The following ZNF808 variants were observed in gnomAD, a reference collection of about 807,000 sequenced individuals.
ZNF808 encodes zinc finger protein 808.
In ZNF808, 5 loss-of-function variants were observed where a neutral mutation model predicts 8.7. The ratio of observed to expected loss-of-function variants is 0.58; its 90% CI spans 0.30 to 1.21. The LOEUF is 1.21. Ranked by LOEUF, ZNF808 falls within the 50% of genes most tolerant of loss-of-function variation. ZNF808 has a pLI of 0.07. For synonymous variants in ZNF808, 380 were observed against 366.0 expected, an observed-to-expected ratio of 1.04 and a Z score of -0.44; for missense variants, 1,103 against 1,098.4, an observed-to-expected ratio of 1.00 and a Z score of -0.06.
At chr19:52,528,782 A>G (rs1016776701) in intron 1 of ZNF808, among the ~76,000 whole-genome samples, 12 of 152,054 alleles carry the variant, frequency 7.9e-5, no homozygotes, top group Admixed American at 7.2e-4. Context: ...CAGGGAAGAG[A>G]GAATTTAACA....
At chr19:52,537,017 T>C (rs2059619060) in intron 2 of ZNF808, among the ~76,000 whole-genome samples, 1 of 151,576 alleles carries the variant, frequency 6.6e-6, no homozygotes, top group African/African-American at 2.4e-5. Context: ...AGAAACCCCA[T>C]CCCTGCTAAA....
chr19:52,528,403 G>A (rs901304386), intron 1 of ZNF808, among the ~76,000 whole-genome samples: 4 of 152,176 alleles, frequency 2.6e-5, no homozygotes, highest in Non-Finnish European at 5.9e-5. Flanking sequence ...GACAGCAGTA[G>A]AAAACCTGAG....
intron 2 of ZNF808, among the ~76,000 whole-genome samples, chr19:52,541,134 T>G (rs749028100): frequency 2.6e-5 from 4 of 151,952 alleles, no homozygotes; most frequent in Non-Finnish European, 4.4e-5. Flanking sequence ...GTATTTTTAG[T>G]AGAGACGGGA....
intron 3 of ZNF808, 57 bp downstream of exon 3, chr19:52,543,404 G>C: frequency 6.3e-7 from 1 of 1,587,302 alleles, no homozygotes; most frequent in Non-Finnish European, 8.5e-7. Flanking sequence ...AAATGTAGTA[G>C]TATTATATTG....
chr19:52,535,477 G>C (rs1430848552), intron 2 of ZNF808, among the ~76,000 whole-genome samples: 1 of 152,150 alleles, frequency 6.6e-6, no homozygotes, highest in Non-Finnish European at 1.5e-5. Flanking sequence ...GCTGCTTCCT[G>C]AGTAGCTGGG....
intron 4 of ZNF808, among the ~76,000 whole-genome samples, chr19:52,550,157 G>A (rs2059762345): frequency 6.6e-6 from 1 of 152,054 alleles, no homozygotes; most frequent in African/African-American, 2.4e-5. Context: ...GTGCAAACTG[G>A]GGTCATGTCC....
Position 52,555,206 on chromosome 19 carries a change from A to C in ZNF808, c.2290A>C (p.Lys764Gln). 5 of 1,614,044 alleles carry C rather than the reference A, an allele frequency of 3.1e-6. No individual in the cohort carries two copies. Among genetic ancestry groups the C allele is most frequent in the Non-Finnish European group, 4.2e-6 (5 of 1,179,996 alleles). The change falls in exon 5 of 5, where the codon AAG becomes CAG. Residue 764 changes from lysine to glutamine, a missense_variant. Coordinates refer to ENST00000359798, the MANE Select transcript of ZNF808 (RefSeq NM_001039886.4). ...ACTTCATAGTGGTGAGAAACCTTACAAGTGTAACGACTGTGGCAATACCTT... is the reference window on the plus strand; with the variant it reads ...ACTTCATAGTGGTGAGAAACCTTACCAGTGTAACGACTGTGGCAATACCTT... ...RRLHSGEKPY[K>Q]CNDCGNTFRH... is the part of the protein sequence containing the mutation.
chr19:52,541,325 A>T (rs375378139), intron 2 of ZNF808, among the ~76,000 whole-genome samples: 2 of 150,574 alleles, frequency 1.3e-5, no homozygotes, highest in South Asian at 4.2e-4. Flanking sequence ...ATTCTTTTCC[A>T]TGTAGATATC....
chr19:52,527,685 G>T lies in ZNF808; in HGVS notation c.-148G>T. 2 of 157,638 alleles carry T rather than the reference G, an allele frequency of 1.3e-5. No homozygotes were observed. The highest frequency in any genetic ancestry group is 3.1e-4 in the South Asian group (2 of 6,392). The allele number at this position is 157,638 out of a possible 1,614,324, so 9.8% of individuals were successfully genotyped here. ...ATTAACGCAAACCCGGAAGCGGATCGGGTGGAGTGAAGGTCACGTCGCCAT... is the reference window on the plus strand; with the variant it reads ...ATTAACGCAAACCCGGAAGCGGATCTGGTGGAGTGAAGGTCACGTCGCCAT... On this transcript the variant is annotated 5_prime_UTR_variant, in exon 1 of 5. Transcript: ENST00000359798.
At chr19:52,528,137 C>T (rs938719228) in intron 1 of ZNF808, among the ~76,000 whole-genome samples, 3 of 152,082 alleles carry the variant, frequency 2.0e-5, no homozygotes, top group Non-Finnish European at 4.4e-5. Flanking sequence ...TCTTGCAGAC[C>T]CCATCCTTCT....
At chr19:52,546,414 T>G (rs1383774092) in intron 3 of ZNF808, among the ~76,000 whole-genome samples, 1 of 152,078 alleles carries the variant, frequency 6.6e-6, no homozygotes, top group East Asian at 1.9e-4. Flanking sequence ...CTCAAACTCC[T>G]GACCTCATGA....
rs73578236 is a variant in ZNF808, at chr19:52,556,292, C to T, written c.*664C>T. The T allele has an allele frequency of 0.089, 14,560 of 163,922 alleles. 789 individuals carry two copies. The highest frequency in any genetic ancestry group is 0.16 in the Middle Eastern group (52 of 326). The allele number at this position is 163,922 out of a possible 1,614,324, so 10.2% of individuals were successfully genotyped here. A position where few individuals can be genotyped will look rare whatever the true frequency, so the allele number is the denominator to read the frequency against. ...ATGGCCAACAGATGTCGGCCACTTT[C>T]GCCATCCTGTTTTTTGTTTCTTATT... On this transcript the variant is annotated 3_prime_UTR_variant, in exon 5 of 5. Transcript: ENST00000359798.
chr19:52,546,974 G>GTGTC (rs1437345400), intron 3 of ZNF808, among the ~76,000 whole-genome samples: 2 of 136,426 alleles, frequency 1.5e-5, no homozygotes, highest in Non-Finnish European at 3.1e-5. Flanking sequence ...TTTAGATGGA[G>GTGTC]TGTCAGTCTG....
At chr19:52,551,356 CAA>C (rs58565837) in intron 4 of ZNF808, among the ~76,000 whole-genome samples, 77 of 125,038 alleles carry the variant, frequency 6.2e-4, no homozygotes, top group Admixed American at 9.1e-4. Flanking sequence ...CATTTGCCAC[CAA>C]AAAAAAAAAA....
At chr19:52,549,830 C>G (rs563953067) in intron 4 of ZNF808, among the ~76,000 whole-genome samples, 1 of 152,304 alleles carries the variant, frequency 6.6e-6, no homozygotes, top group Admixed American at 6.5e-5. Context: ...CCCTCCAACA[C>G]CACTCTCACT....
At chr19:52,568,718 CT>C (rs1158865453), downstream of ZNF808, among the ~76,000 whole-genome samples, 10 of 152,110 alleles carry the variant, frequency 6.6e-5, no homozygotes, top group African/African-American at 2.4e-4. Context: ...TATTCTCATG[CT>C]TTGTGTCCAA....
At chr19:52,562,445 C>A (rs2059861096) in intron 3 of ZNF808, among the ~76,000 whole-genome samples, 1 of 152,164 alleles carries the variant, frequency 6.6e-6, no homozygotes, top group Non-Finnish European at 1.5e-5. Context: ...ATGTAGTCAA[C>A]ACCCATGACC....
chr19:52,542,620 A>G (rs763874699), intron 2 of ZNF808, among the ~76,000 whole-genome samples: 2 of 152,046 alleles, frequency 1.3e-5, no homozygotes, highest in Middle Eastern at 3.2e-3. Flanking sequence ...TAGTTTGCCC[A>G]AGGTGGTCGG....
chr19:52,534,091 G>A (rs2059584598), intron 2 of ZNF808, among the ~76,000 whole-genome samples: 1 of 152,148 alleles, frequency 6.6e-6, no homozygotes, highest in South Asian at 2.1e-4. Flanking sequence ...GGGAGGCCGA[G>A]GCTTCCGGAT....
Sources: allele counts gnomAD v4.1 joint callset (sites outside exome capture counted in the v4.1 genomes callset), GRCh38; gene constraint gnomAD v4.1.1; transcripts MANE v1.5; gene names NCBI Gene and HGNC (gene_info 2026-07-23, HGNC 2026-07-21).